The following SYK variants were observed in gnomAD, a reference collection of about 807,000 sequenced individuals.
SYK encodes spleen associated tyrosine kinase, also known as tyrosine-protein kinase SYK.
Under a neutral mutation model 77.8 loss-of-function variants are expected in SYK, and 16 were observed. The ratio of observed to expected loss-of-function variants is 0.21; its 90% confidence interval spans 0.14 to 0.31. The LOEUF (loss-of-function observed/expected upper bound fraction) is 0.31, where lower values mean the gene tolerates loss of function less well. SYK is among the 10% of genes least tolerant of loss of function. The pLI is 1.00. For synonymous variants in SYK, 312 were observed against 308.7 expected, an observed-to-expected ratio of 1.01 and a Z score of -0.11; for missense variants, 529 against 814.4, an observed-to-expected ratio of 0.65 and a Z score of 4.26.
intron 1 of SYK, among the ~76,000 whole-genome samples, chr9:90,822,873 C>T (rs12337497): frequency 9.7e-4 from 148 of 152,236 alleles, no homozygotes; most frequent in African/African-American, 3.3e-3. Flanking sequence ...ACATAGCTAC[C>T]AGAAAATAAA....
chr9:90,838,711 G>C (rs559195541), intron 1 of SYK, among the ~76,000 whole-genome samples: 3 of 152,238 alleles, frequency 2.0e-5, no homozygotes, highest in Admixed American at 6.5e-5. Context: ...GTCACACATG[G>C]AAAAAAATAA....
chr9:90,893,213 G>A (rs1036143340), intron 13 of SYK, among the ~76,000 whole-genome samples: 1 of 152,180 alleles, frequency 6.6e-6, no homozygotes, highest in African/African-American at 2.4e-5. Flanking sequence ...GGAATTCTAA[G>A]CAAGGAGGGC....
chr9:90,806,475 T>A (rs1310053426), intron 1 of SYK, among the ~76,000 whole-genome samples: 1 of 152,036 alleles, frequency 6.6e-6, no homozygotes, highest in Non-Finnish European at 1.5e-5. Flanking sequence ...GCCCAAGCAA[T>A]CCTCTTGCCT....
At chr9:90,856,466 C>G (rs905938286) in intron 3 of SYK, among the ~76,000 whole-genome samples, 4 of 152,164 alleles carry the variant, frequency 2.6e-5, no homozygotes, top group African/African-American at 4.8e-5. Flanking sequence ...GTGTCCTGTG[C>G]TATGAGTAAC....
At chr9:90,840,554 TAAAA>T (rs71360457) in intron 1 of SYK, among the ~76,000 whole-genome samples, 2 of 107,024 alleles carry the variant, frequency 1.9e-5, no homozygotes, top group African/African-American at 3.5e-5. Context: ...CCGTCTCTTC[TAAAA>T]AAAAAAAAAA....
At position 90,817,845 on chromosome 9, in the gene SYK, TTGTGTGTGTG is replaced by T. The variant is rs746939088; in HGVS notation, c.-42+15981_-42+15990del. On this transcript the variant is annotated intron_variant, in intron 1 of 13. Coordinates refer to ENST00000375754, the MANE Select transcript of SYK (RefSeq NM_003177.7). ...AATATTTCCTCCCTTCTCAATAATGTTGTGTGTGTGTGTGTGTGTGTGTGTGTGTGTGTGT... is the reference window on the plus strand; with the variant it reads ...AATATTTCCTCCCTTCTCAATAATGTTGTGTGTGTGTGTGTGTGTGTGTGT... Among the ~76,000 whole-genome samples, 981 of 137,634 alleles carry T rather than the reference TTGTGTGTGTG, an allele frequency of 7.1e-3. 7 individuals carry two copies. The highest frequency in any genetic ancestry group is 0.011 in the Non-Finnish European group (720 of 65,466). The allele number at this position is 137,634 out of a possible 152,430, so 90.3% of individuals were successfully genotyped here.
chr9:90,873,078 G>A (rs903533645), intron 7 of SYK, among the ~76,000 whole-genome samples: 4 of 152,342 alleles, frequency 2.6e-5, no homozygotes, highest in African/African-American at 9.6e-5. Context: ...GAAAGAAGAA[G>A]GTCCGGGTGT....
intron 3 of SYK, among the ~76,000 whole-genome samples, chr9:90,851,114 G>C (rs943392773): frequency 6.6e-6 from 1 of 152,130 alleles, no homozygotes; most frequent in Non-Finnish European, 1.5e-5. Context: ...CTTGTCCAAG[G>C]CAGGAAGGCA....
At chr9:90,874,424 C>T in intron 8 of SYK, 133 bp downstream of exon 8, 3 of 985,214 alleles carry the variant, frequency 3.0e-6, no homozygotes, top group Non-Finnish European at 4.7e-6. Flanking sequence ...TGGAAACACT[C>T]ACATCTAGTG....
chr9:90,844,374 T>G, intron 2 of SYK, 59 bp downstream of exon 2: 1 of 1,469,020 alleles, frequency 6.8e-7, no homozygotes, highest in South Asian at 1.4e-5. Flanking sequence ...CCACACAGAC[T>G]TCCTGGCTAC....
At chr9:90,804,719 A>G (rs1824748680) in intron 1 of SYK, among the ~76,000 whole-genome samples, 1 of 152,228 alleles carries the variant, frequency 6.6e-6, no homozygotes, top group African/African-American at 2.4e-5. Context: ...ATGAGAGATT[A>G]TGATCAAATT....
intron 11 of SYK, among the ~76,000 whole-genome samples, chr9:90,882,163 A>G (rs1228539134): frequency 6.6e-6 from 1 of 152,248 alleles, no homozygotes; most frequent in African/African-American, 2.4e-5. Context: ...ATTTCATTGC[A>G]TTTAAGATTT....
chr9:90,826,052 G>A (rs1281997879), intron 1 of SYK, among the ~76,000 whole-genome samples: 1 of 152,150 alleles, frequency 6.6e-6, no homozygotes, highest in African/African-American at 2.4e-5. Flanking sequence ...GACATTGCTG[G>A]TCCAGAGACG....
chr9:90,885,121 A>C (rs1828513280), intron 11 of SYK, among the ~76,000 whole-genome samples: 1 of 151,826 alleles, frequency 6.6e-6, no homozygotes, highest in Non-Finnish European at 1.5e-5. Flanking sequence ...AACATGAAAA[A>C]GCAAGGAAAT....
Position 90,887,757 on chromosome 9 carries a change from C to G in SYK, c.1590C>G (p.Thr530=), listed in dbSNP as rs1371007123. 6.2e-7 allele frequency: 1 copy of G among 1,610,322 alleles called. No individual in the cohort carries two copies. The highest frequency in any genetic ancestry group is 1.3e-5 in the African/African-American group (1 of 74,754). The stretch of plus-strand genomic sequence containing the variant: ...CTCTGCTTTGCTTTTAGGCCCAGAC[C>G]CATGGAAAGTGGCCTGTCAAGTGGT... ...RADENYYKAQ[T]HGKWPVKWYA... Residue 530 remains threonine, a synonymous_variant, in exon 12 of 14, where the codon ACC becomes ACG. Coordinates refer to ENST00000375754, the MANE Select transcript of SYK (RefSeq NM_003177.7).
chr9:90,865,891 CTTT>C (rs10680406), intron 6 of SYK, among the ~76,000 whole-genome samples: 632 of 61,132 alleles, frequency 0.01, 4 homozygotes, highest in African/African-American at 0.043. Context: ...TACATATGGC[CTTT>C]TTTTTTTTTT....
intron 11 of SYK, among the ~76,000 whole-genome samples, chr9:90,883,627 C>A (rs976630427): frequency 1.3e-5 from 2 of 152,264 alleles, no homozygotes; most frequent in South Asian, 4.1e-4. Context: ...CAGCTGAATG[C>A]ACCACCAGGG....
At chr9:90,848,165 G>A (rs1166372508) in intron 3 of SYK, among the ~76,000 whole-genome samples, 1 of 152,224 alleles carries the variant, frequency 6.6e-6, no homozygotes, top group Non-Finnish European at 1.5e-5. Context: ...CCAGCACGGG[G>A]CAGGGTCTGC....
At chr9:90,802,870 A>G (rs537829966) in intron 1 of SYK, among the ~76,000 whole-genome samples, 15 of 145,368 alleles carry the variant, frequency 1.0e-4, no homozygotes, top group African/African-American at 3.8e-4. Flanking sequence ...GGTATTAAAA[A>G]TAAAAAAAGG....
Sources: gnomAD v4.1 joint callset for allele counts (sites outside exome capture counted in the v4.1 genomes callset) on GRCh38, gnomAD v4.1.1 for gene constraint, MANE v1.5 for transcripts, NCBI Gene and HGNC (gene_info 2026-07-23, HGNC 2026-07-21) for gene names.